KIAA1958: variants seen among roughly 807,000 people sequenced by gnomAD.
KIAA1958 encodes the protein uncharacterized protein KIAA1958.
A neutral mutation model predicts 47.2 loss-of-function variants in KIAA1958; 14 were observed. The observed-to-expected ratio is 0.30, with a 90% CI of 0.20 to 0.46. The LOEUF is 0.46. Among genes scored for constraint, KIAA1958 ranks in the 20% least tolerant of loss-of-function variants. The pLI, the probability that KIAA1958 is intolerant of heterozygous loss-of-function variation, is 1.00. For synonymous variants in KIAA1958, 354 were observed against 353.3 expected (o/e 1.00, Z -0.02); for missense variants, 803 against 909.2 (o/e 0.88, Z 1.50).
In KIAA1958 at chr9:112,669,042, C is replaced by T. The variant is rs1366284589; in HGVS notation, c.*8973C>T. On this transcript the variant is annotated 3_prime_UTR_variant, in exon 4 of 4. Coordinates refer to ENST00000337530, the MANE Select transcript of KIAA1958 (RefSeq NM_133465.4). ...ATTTCTTAACACTGGAAACATCATT[C>T]TGAACGATGTAGGAAGCGGTCAGTA... The T allele has an allele frequency of 6.6e-6, 1 of 152,182 alleles. No individual in the cohort carries two copies. The highest frequency in any genetic ancestry group is 2.4e-5 in the African/African-American group (1 of 41,428). 9.4% of individuals were successfully genotyped at this position (152,182 alleles called of 1,614,324 possible).
chr9:112,551,894 G>A (rs943535538), intron 1 of KIAA1958, among the ~76,000 whole-genome samples: 1 of 152,198 alleles, frequency 6.6e-6, no homozygotes, highest in South Asian at 2.1e-4. Context: ...CAGTTCTCTA[G>A]CATTGTTAAG....
chr9:112,530,001 G>A (rs1834726514), intron 1 of KIAA1958, among the ~76,000 whole-genome samples: 1 of 151,980 alleles, frequency 6.6e-6, no homozygotes, highest in Admixed American at 6.6e-5. Context: ...CCGCCACCAC[G>A]CCCAGCTAAT....
chr9:112,567,959 C>CAAAAAAAAAAAAA (rs35931681), intron 1 of KIAA1958, among the ~76,000 whole-genome samples: 4 of 66,178 alleles, frequency 6.0e-5, no homozygotes, highest in East Asian at 4.3e-4. Context: ...GAATCCATCT[C>CAAAAAAAAAAAAA]AAAAAAAAAA....
At chr9:112,616,477 A>C (rs528257959) in intron 2 of KIAA1958, among the ~76,000 whole-genome samples, 1 of 152,370 alleles carries the variant, frequency 6.6e-6, no homozygotes, top group East Asian at 1.9e-4. Context: ...GTAATTAGAA[A>C]GACTTCCGCT....
chr9:112,602,207 A>T (rs1836146148), intron 2 of KIAA1958, among the ~76,000 whole-genome samples: 1 of 152,216 alleles, frequency 6.6e-6, no homozygotes, highest in East Asian at 1.9e-4. Context: ...CTTTTAAAGT[A>T]AATATAGCTT....
chr9:112,659,519 C>T lies in KIAA1958; in HGVS notation c.1601C>T (p.Ser534Phe). The T allele has an allele frequency of 6.2e-7, 1 of 1,613,408 alleles. No homozygotes were observed. Residue 534 changes from serine (S) to phenylalanine (F), a missense_variant, in exon 4 of 4, where the codon TCC becomes TTC. Ser to Phe is a radical substitution (Grantham distance 155). Around this residue, in one of 2 missense-constraint regions of KIAA1958, gnomAD observed 761 missense variants for 829.3 expected, o/e 0.92. Coordinates refer to ENST00000337530, the MANE Select transcript of KIAA1958 (RefSeq NM_133465.4). ...CGTTCTCGCAACATCGTCTACTTCTCCCTTTCTGACGAGGAGGAGATGTGG... is the reference window on the plus strand; with the variant it reads ...CGTTCTCGCAACATCGTCTACTTCTTCCTTTCTGACGAGGAGGAGATGTGG... ...GARSRNIVYFSLSDEEEMWQA... is the reference protein window; with the variant it reads ...GARSRNIVYFFLSDEEEMWQA...
At chr9:112,584,867 A>T (rs1835797018) in intron 2 of KIAA1958, among the ~76,000 whole-genome samples, 1 of 152,164 alleles carries the variant, frequency 6.6e-6, no homozygotes, top group Admixed American at 6.5e-5. Context: ...GGCGACCAGC[A>T]TGCACCATGC....
At chr9:112,533,423 G>GA (rs34640912) in intron 1 of KIAA1958, among the ~76,000 whole-genome samples, 137,612 of 145,282 alleles carry the variant, frequency 0.95, 65,210 homozygotes, top group South Asian at 0.97. Flanking sequence ...AAAATACAAA[G>GA]AAAAAAAAAA....
chr9:112,504,414 C>T (rs958938954), intron 1 of KIAA1958, among the ~76,000 whole-genome samples: 1 of 152,158 alleles, frequency 6.6e-6, no homozygotes, highest in Non-Finnish European at 1.5e-5. Context: ...GTCTCGAATT[C>T]CTGACCTCAA....
chr9:112,550,424 T>C (rs1182159270), intron 1 of KIAA1958, among the ~76,000 whole-genome samples: 1 of 152,146 alleles, frequency 6.6e-6, no homozygotes, highest in African/African-American at 2.4e-5. Context: ...CCACTTGAAG[T>C]AGGGATACAA....
At chr9:112,637,644 G>A (rs2131236140) in intron 2 of KIAA1958, among the ~76,000 whole-genome samples, 1 of 152,064 alleles carries the variant, frequency 6.6e-6, no homozygotes, top group South Asian at 2.1e-4. Flanking sequence ...CCAAAGTGCT[G>A]GGATTACAGG....
At chr9:112,647,567 G>T (rs534873871) in intron 3 of KIAA1958, among the ~76,000 whole-genome samples, 1 of 152,284 alleles carries the variant, frequency 6.6e-6, no homozygotes, top group South Asian at 2.1e-4. Flanking sequence ...CCTTTAGATA[G>T]CAGATTATAG....
At chr9:112,579,003 C>T (rs1273893113) in intron 2 of KIAA1958, among the ~76,000 whole-genome samples, 2 of 151,668 alleles carry the variant, frequency 1.3e-5, no homozygotes, top group Non-Finnish European at 2.9e-5. Context: ...TTTTGCCTAT[C>T]AGATTTGTAT....
Position 112,660,154 on chromosome 9 carries a change from CTGACCAGGTG to C in KIAA1958, c.*91_*100del, listed in dbSNP as rs2131255672. Reference sequence around the variant, plus strand: ...AGCTGGAGCTCCTTGGAGGCAGGGGCTGACCAGGTGTGACCTCCCGGTCTGGCGGCTCTCC... The same window carrying C: ...AGCTGGAGCTCCTTGGAGGCAGGGGCTGACCTCCCGGTCTGGCGGCTCTCC... On this transcript the variant is annotated 3_prime_UTR_variant, in exon 4 of 4. Transcript: ENST00000337530. 6 of 1,269,226 alleles carry C rather than the reference CTGACCAGGTG, an allele frequency of 4.7e-6. No homozygotes were observed. The South Asian group carries it at 7.9e-5, about 17-fold the overall frequency. The allele number at this position is 1,269,226 out of a possible 1,614,324, so 78.6% of individuals were successfully genotyped here. A position where few individuals can be genotyped will look rare whatever the true frequency, so the allele number is the denominator to read the frequency against.
intron 1 of KIAA1958, among the ~76,000 whole-genome samples, chr9:112,546,620 T>C (rs1835036977): frequency 6.6e-6 from 1 of 152,142 alleles, no homozygotes; most frequent in South Asian, 2.1e-4. Flanking sequence ...CCATGTGGCC[T>C]CCCAAACTGA....
intron 1 of KIAA1958, among the ~76,000 whole-genome samples, chr9:112,495,824 G>A (rs751370945): frequency 2.0e-5 from 3 of 152,164 alleles, no homozygotes; most frequent in Non-Finnish European, 4.4e-5. Context: ...ACTTGCTCTG[G>A]CTAGTTGGAC....
At chr9:112,614,592 T>TA (rs1348323468) in intron 2 of KIAA1958, among the ~76,000 whole-genome samples, 1 of 152,240 alleles carries the variant, frequency 6.6e-6, no homozygotes, top group Admixed American at 6.5e-5. Flanking sequence ...CTTTCCCTCT[T>TA]ACTCATGTAA....
chr9:112,587,123 G>T (rs192476741), intron 2 of KIAA1958, among the ~76,000 whole-genome samples: 55 of 152,230 alleles, frequency 3.6e-4, no homozygotes, highest in Non-Finnish European at 1.0e-4. Context: ...CCCCAAAAAA[G>T]TGTATTAGAA....
At chr9:112,587,482 A>G (rs1429075623) in intron 2 of KIAA1958, among the ~76,000 whole-genome samples, 2 of 152,224 alleles carry the variant, frequency 1.3e-5, no homozygotes, top group Non-Finnish European at 2.9e-5. Flanking sequence ...CAAAAATGAA[A>G]AAAACATGCT....
Sources: allele counts gnomAD v4.1 joint callset (sites outside exome capture counted in the v4.1 genomes callset), GRCh38; gene constraint gnomAD v4.1.1; regional missense constraint gnomAD v4.1.1; transcripts MANE v1.5; gene names NCBI Gene and HGNC (gene_info 2026-07-23, HGNC 2026-07-21).